The following FAM135A variants were observed in gnomAD, a reference collection of about 807,000 sequenced individuals.
The protein encoded by FAM135A is protein FAM135A.
FAM135A carries 79 observed loss-of-function variants against 146.8 expected under a neutral mutation model. That is an observed-to-expected ratio of 0.54 (90% CI 0.45 to 0.65). The LOEUF is 0.65. Ranked by LOEUF, FAM135A falls within the 30% of genes least tolerant of loss-of-function variation. The pLI, the probability that FAM135A is intolerant of heterozygous loss-of-function variation, is 0.00. For missense variants in FAM135A, 1,623 were observed against 1,758.2 expected (o/e 0.92, Z 1.38); for synonymous variants, 562 against 603.6 (o/e 0.93, Z 1.01).
chr6:70,482,015 C>T lies in FAM135A; in HGVS notation c.684C>T (p.Ile228=), dbSNP rs371537662. 9.9e-6 allele frequency: 16 copies of T among 1,612,762 alleles called. No homozygotes were observed. The highest frequency in any genetic ancestry group is 9.3e-5 in the African/African-American group (7 of 74,950). ...TTTTTGTTTAGGGTTGTAGCTTCAT[C>T]ATTGCAGACTCCTTCCTACATCATG... is the stretch of plus-strand genomic sequence containing the variant. ...KQLSPDGCSF[I]IADSFLHHAY... is the part of the protein sequence containing the mutation. Residue 228 remains isoleucine, a synonymous_variant, in exon 10 of 22, where the codon ATC becomes ATT. Coordinates refer to ENST00000418814, the MANE Select transcript of FAM135A (RefSeq NM_001162529.3).
chr6:70,442,652 G>A (rs1226290832), intron 4 of FAM135A, among the ~76,000 whole-genome samples: 1 of 151,580 alleles, frequency 6.6e-6, no homozygotes, highest in African/African-American at 2.4e-5. Flanking sequence ...CCCTACTTTT[G>A]TTGTTTAAAA....
intron 21 of FAM135A, chr6:70,557,324 C>G (rs2128510689): frequency 5.8e-6 from 1 of 173,798 alleles, no homozygotes; most frequent in Admixed American, 6.0e-5. Flanking sequence ...AACTTGAGTC[C>G]TGTTTACTCA....
At chr6:70,545,089 C>A (rs1311107181) in intron 20 of FAM135A, among the ~76,000 whole-genome samples, 1 of 151,292 alleles carries the variant, frequency 6.6e-6, no homozygotes, top group East Asian at 1.9e-4. Flanking sequence ...ACAAAAAAAA[C>A]CACGAGTATT....
At chr6:70,486,872 A>G (rs545395654) in intron 10 of FAM135A, among the ~76,000 whole-genome samples, 1 of 152,258 alleles carries the variant, frequency 6.6e-6, no homozygotes, top group East Asian at 1.9e-4. Flanking sequence ...GATTGCAGTG[A>G]GCCGAGATCG....
At chr6:70,556,156 C>T (rs1303915531) in intron 20 of FAM135A, among the ~76,000 whole-genome samples, 2 of 151,836 alleles carry the variant, frequency 1.3e-5, no homozygotes, top group East Asian at 1.9e-4. Flanking sequence ...GGCTGAGGCA[C>T]GAGAATCACT....
rs754937186 is a variant in FAM135A at position 70,525,376 on chromosome 6, A to G, written c.2292A>G (p.Ser764=). ...CAGATATTAGTGCCACATATGCCTC[A>G]TCTAGATTTTCAGATTCAGGTGTTG... ...KLPDISATYA[S]SRFSDSGVES... is the part of the protein sequence containing the mutation. Residue 764 remains serine, a synonymous_variant, in exon 15 of 22, where the codon TCA becomes TCG. Transcript: ENST00000418814. 2 of 1,613,746 alleles carry G rather than the reference A, an allele frequency of 1.2e-6. No homozygotes were observed. The highest frequency in any genetic ancestry group is 1.7e-6 in the Non-Finnish European group (2 of 1,179,688).
At chr6:70,506,217 A>T (rs1789733133) in intron 12 of FAM135A, among the ~76,000 whole-genome samples, 1 of 152,136 alleles carries the variant, frequency 6.6e-6, no homozygotes, top group Admixed American at 6.5e-5. Context: ...TTGGAAATTT[A>T]GGACTCTGAC....
At chr6:70,413,813 C>A in intron 1 of FAM135A, 111 bp downstream of exon 1, 1 of 985,462 alleles carries the variant, frequency 1.0e-6, no homozygotes, top group Non-Finnish European at 1.2e-6. Flanking sequence ...CTTCGTCCGC[C>A]GTTCGCCCGC....
chr6:70,472,176 A>G (rs1781749453), intron 5 of FAM135A, among the ~76,000 whole-genome samples: 1 of 152,160 alleles, frequency 6.6e-6, no homozygotes, highest in Non-Finnish European at 1.5e-5. Context: ...ATTGAGAGAG[A>G]TGCAGCATCT....
At chr6:70,433,806 A>T (rs1315993551) in intron 4 of FAM135A, among the ~76,000 whole-genome samples, 1 of 152,238 alleles carries the variant, frequency 6.6e-6, no homozygotes, top group African/African-American at 2.4e-5. Flanking sequence ...TATTTTAAAA[A>T]ATCTGTGCTT....
chr6:70,508,440 G>C (rs1251319172), intron 12 of FAM135A, among the ~76,000 whole-genome samples: 11 of 152,068 alleles, frequency 7.2e-5, no homozygotes, highest in Non-Finnish European at 1.2e-4. Flanking sequence ...GATACCTCTT[G>C]TTGTGTTATA....
intron 15 of FAM135A, among the ~76,000 whole-genome samples, chr6:70,527,815 A>G (rs570641746): frequency 1.3e-5 from 2 of 152,280 alleles, no homozygotes; most frequent in African/African-American, 4.8e-5. Context: ...AAATACAAAT[A>G]ACCTAATCTG....
intron 12 of FAM135A, among the ~76,000 whole-genome samples, chr6:70,512,757 A>G (rs894709045): frequency 6.6e-5 from 10 of 151,652 alleles, no homozygotes; most frequent in African/African-American, 2.4e-4. Context: ...TGAGGTTTAT[A>G]TTTTCGTTTT....
chr6:70,522,630 T>C, intron 13 of FAM135A, 44 bp downstream of exon 13: 1 of 1,433,434 alleles, frequency 7.0e-7, no homozygotes, highest in Non-Finnish European at 9.8e-7. Context: ...TACTTCCTTT[T>C]ACATAAGATA....
chr6:70,422,784 T>A (rs1208185763), intron 2 of FAM135A, among the ~76,000 whole-genome samples: 1 of 152,238 alleles, frequency 6.6e-6, no homozygotes, highest in Non-Finnish European at 1.5e-5. Flanking sequence ...TGCTAATTTA[T>A]TTTTCCTTAA....
At chr6:70,458,741 G>A (rs564142205) in intron 5 of FAM135A, among the ~76,000 whole-genome samples, 1 of 152,238 alleles carries the variant, frequency 6.6e-6, no homozygotes, top group African/African-American at 2.4e-5. Context: ...CGTCTCACAA[G>A]TGTTAGTTTG....
Position 70,554,100 on chromosome 6 carries a change from G to A in FAM135A, c.4229-2650G>A, listed in dbSNP as rs968044256. On this transcript the variant is annotated intron_variant, in intron 20 of 21. Coordinates refer to ENST00000418814, the MANE Select transcript of FAM135A (RefSeq NM_001162529.3). ...GCAAGAAAAGCAGGCCAGAAATTTAGATTTGAGGAGCAGATACAAAAATGA... is the reference window on the plus strand; with the variant it reads ...GCAAGAAAAGCAGGCCAGAAATTTAAATTTGAGGAGCAGATACAAAAATGA... 7.2e-5 allele frequency among the ~76,000 whole-genome samples: 11 copies of A among 152,182 alleles called. No homozygotes were observed. In the South Asian group the frequency reaches 1.0e-3, roughly 14 times the overall value.
chr6:70,500,267 C>T (rs977143192), intron 11 of FAM135A, among the ~76,000 whole-genome samples: 6 of 152,126 alleles, frequency 3.9e-5, no homozygotes, highest in East Asian at 3.9e-4. Context: ...TCAGCTTCAT[C>T]GATTTGGCTA....
At chr6:70,499,846 C>T (rs1035488846) in intron 11 of FAM135A, among the ~76,000 whole-genome samples, 4 of 152,200 alleles carry the variant, frequency 2.6e-5, no homozygotes, top group Non-Finnish European at 4.4e-5. Flanking sequence ...GAGAGCTGTG[C>T]TATTATTCTG....
Sources: allele counts gnomAD v4.1 joint callset (sites outside exome capture counted in the v4.1 genomes callset), GRCh38; gene constraint gnomAD v4.1.1; transcripts MANE v1.5; gene names NCBI Gene and HGNC (gene_info 2026-07-23, HGNC 2026-07-21).